Variants in ABCA12 observed in about 807,000 individuals in gnomAD.
ABCA12 encodes the protein glucosylceramide transporter ABCA12.
A neutral mutation model predicts 293.5 loss-of-function variants in ABCA12; 156 were observed. The ratio of observed to expected loss-of-function variants is 0.53; its 90% CI spans 0.47 to 0.61. The LOEUF (loss-of-function observed/expected upper bound fraction) is 0.61. Ranked by LOEUF, ABCA12 falls within the 20% of genes least tolerant of loss-of-function variation. ABCA12 has a pLI of 0.00. For missense variants in ABCA12, 2,797 were observed against 3,090.2 expected (o/e 0.91, Z 2.25); for synonymous variants, 1,063 against 1,108.0 (o/e 0.96, Z 0.81).
intron 1 of ABCA12, among the ~76,000 whole-genome samples, chr2:215,134,763 G>A (rs1029905692): frequency 9.4e-5 from 14 of 149,610 alleles, no homozygotes; most frequent in African/African-American, 2.5e-4. Context: ...TCCTCCCACC[G>A]CAACTTCCCA....
In ABCA12 at chr2:214,949,043, G is replaced by C. The variant is rs906035696; in HGVS notation, c.6959C>G (p.Thr2320Ser). Residue 2320 changes from threonine to serine, a missense_variant, in exon 46 of 53, where the codon ACC becomes AGC. Coordinates refer to ENST00000272895, the MANE Select transcript of ABCA12 (RefSeq NM_173076.3). Reference protein sequence around the residue: ...SSGNILIRNKTGSLGHVDSHS... With the variant: ...SSGNILIRNKSGSLGHVDSHS... ...TTGAAGCATTAGTTTTTCATACCCG[G>C]TCTTATTTCTGATCAGAATGTTTCC... The C allele has an allele frequency of 1.9e-6, 3 of 1,610,918 alleles. No homozygotes were observed.
At position 215,049,822 on chromosome 2, in the gene ABCA12, G is replaced by C; in HGVS notation, c.508-11C>G. 1 of 1,604,034 alleles carries C rather than the reference G, an allele frequency of 6.2e-7. No homozygotes were observed. Among genetic ancestry groups the C allele is most frequent in the South Asian group, 1.1e-5 (1 of 90,690 alleles). ...ATTTTGCTTTAACAGCTAAAAGCATGTGTGAAAAGAGTAAAATAAGAGTGT... is the reference window on the plus strand; with the variant it reads ...ATTTTGCTTTAACAGCTAAAAGCATCTGTGAAAAGAGTAAAATAAGAGTGT... On this transcript the variant is annotated splice_polypyrimidine_tract_variant and intron_variant, in intron 5 of 52. Coordinates refer to ENST00000272895, the MANE Select transcript of ABCA12 (RefSeq NM_173076.3).
At chr2:214,938,021 AG>A (rs1247379740) in intron 50 of ABCA12, among the ~76,000 whole-genome samples, 2 of 152,114 alleles carry the variant, frequency 1.3e-5, no homozygotes, top group East Asian at 3.9e-4. Flanking sequence ...TTTGTTTCAT[AG>A]GTATACATGT....
chr2:215,019,750 G>A lies in ABCA12; in HGVS notation c.1334C>T (p.Thr445Ile), dbSNP rs757467606. The stretch of plus-strand genomic sequence containing the variant: ...GCATGACTTCTCTATCAAACTGAAA[G>A]TTTCAGATTCACAAAGAAGTTCGGT... ...NLTELLCESE[T>I]FSLIEKSCQL... The change falls in exon 12 of 53, where the codon ACT becomes ATT. Residue 445 changes from threonine to isoleucine, a missense_variant. Physicochemically the swap from Thr to Ile is moderately conservative, Grantham distance 89. Coordinates refer to ENST00000272895, the MANE Select transcript of ABCA12 (RefSeq NM_173076.3). 6.2e-6 allele frequency: 10 copies of A among 1,613,944 alleles called. No homozygotes were observed. Among genetic ancestry groups the A allele is most frequent in the Non-Finnish European group, 8.5e-6 (10 of 1,180,022 alleles).
intron 2 of ABCA12, chr2:215,075,550 A>C (rs1436933728): frequency 1.4e-6 from 1 of 698,496 alleles, no homozygotes; most frequent in South Asian, 1.5e-5. Flanking sequence ...CAGTTTCCTC[A>C]TTTATGCAGG....
chr2:214,949,500 T>G (rs1030832486), intron 45 of ABCA12, among the ~76,000 whole-genome samples: 21 of 152,104 alleles, frequency 1.4e-4, no homozygotes, highest in African/African-American at 4.1e-4. Flanking sequence ...GTAATTATAT[T>G]TATACATTTC....
chr2:214,997,951 CA>C (rs1700070828), intron 22 of ABCA12, 142 bp from the exon 23 acceptor site: 1 of 612,602 alleles, frequency 1.6e-6, no homozygotes, highest in Non-Finnish European at 2.9e-6. Flanking sequence ...GGTATTACCC[CA>C]TTATTTACGA....
At chr2:215,003,649 T>C (rs1700190195) in intron 20 of ABCA12, among the ~76,000 whole-genome samples, 1 of 144,430 alleles carries the variant, frequency 6.9e-6, no homozygotes, top group South Asian at 2.2e-4. Context: ...TGCATTTATA[T>C]TACATTATTA....
At chr2:215,108,117 A>T (rs917416909) in intron 2 of ABCA12, among the ~76,000 whole-genome samples, 1 of 152,130 alleles carries the variant, frequency 6.6e-6, no homozygotes, top group East Asian at 1.9e-4. Context: ...CTAGAGTTTC[A>T]TCTTCACTTC....
At chr2:215,054,508 T>C in intron 4 of ABCA12, 65 bp downstream of exon 4, 1 of 1,342,680 alleles carries the variant, frequency 7.4e-7, no homozygotes, top group Non-Finnish European at 1.1e-6. Context: ...TATAAACCTT[T>C]CAAAGATTAG....
intron 7 of ABCA12, among the ~76,000 whole-genome samples, chr2:215,043,575 G>A (rs1575006052): frequency 8.5e-6 from 1 of 117,130 alleles, no homozygotes; most frequent in African/African-American, 8.7e-5. Context: ...TGGAATTTTT[G>A]TTGTTGTTGT....
chr2:214,968,939 C>T (rs901500300), intron 37 of ABCA12, 132 bp from the exon 38 acceptor site: 15 of 707,946 alleles, frequency 2.1e-5, no homozygotes, highest in Non-Finnish European at 2.9e-5. Flanking sequence ...ATGAATACTT[C>T]CTGACAAATA....
At chr2:214,954,256 C>A in intron 43 of ABCA12, 149 bp from the exon 44 acceptor site, 1 of 809,254 alleles carries the variant, frequency 1.2e-6, no homozygotes, top group Non-Finnish European at 1.9e-6. Flanking sequence ...AATTTGCATA[C>A]AAATATTTAG....
At position 214,978,345 on chromosome 2, in the gene ABCA12, A is replaced by G; in HGVS notation, c.5099T>C (p.Val1700Ala). ...NGISTPDDLS[V>A]SSSNFTDRDD... ...TCTGTCTGTGAAATTGCTGCTGCTC[A>G]CAGATAAATCGTCAGGAGTTGAGAT... The change falls in exon 33 of 53, where the codon GTG becomes GCG. Residue 1700 changes from valine (V) to alanine (A), a missense_variant. Val to Ala is a moderately conservative substitution (Grantham distance 64, BLOSUM62 0). Transcript: ENST00000272895. 6.2e-7 allele frequency: 1 copy of G among 1,614,088 alleles called. No individual in the cohort carries two copies. Among genetic ancestry groups the G allele is most frequent in the Admixed American group, 1.7e-5 (1 of 60,014 alleles).
chr2:215,055,384 T>A (rs1167047220), intron 3 of ABCA12, among the ~76,000 whole-genome samples: 1 of 152,072 alleles, frequency 6.6e-6, no homozygotes, highest in Non-Finnish European at 1.5e-5. Flanking sequence ...AAAAATTCGC[T>A]TTTTGTTTAG....
chr2:215,059,970 C>A (rs1182642823), intron 3 of ABCA12, among the ~76,000 whole-genome samples: 2 of 151,994 alleles, frequency 1.3e-5, no homozygotes, highest in Non-Finnish European at 2.9e-5. Context: ...ACCACCCTAT[C>A]TGTTCTCAAT....
chr2:215,004,074 G>C (rs910070408), intron 20 of ABCA12, 135 bp downstream of exon 20: 7 of 692,022 alleles, frequency 1.0e-5, no homozygotes, highest in Middle Eastern at 2.4e-4. Flanking sequence ...ATATATCCAG[G>C]GTCTCATTTT....
At chr2:214,981,981 ATTATT>A (rs1433557475) in intron 30 of ABCA12, among the ~76,000 whole-genome samples, 7 of 133,074 alleles carry the variant, frequency 5.3e-5, no homozygotes, top group African/African-American at 9.0e-5. Context: ...TATTATTATT[ATTATT>A]TTATTATTAT....
At chr2:215,132,094 A>C (rs920054003) in intron 1 of ABCA12, among the ~76,000 whole-genome samples, 14 of 152,044 alleles carry the variant, frequency 9.2e-5, no homozygotes, top group East Asian at 7.7e-4. Context: ...ACTGTGGTCC[A>C]AGAAGCTACT....
Sources: allele counts gnomAD v4.1 joint callset (sites outside exome capture counted in the v4.1 genomes callset), GRCh38; gene constraint gnomAD v4.1.1; transcripts MANE v1.5; gene names NCBI Gene and HGNC (gene_info 2026-07-23, HGNC 2026-07-21).